The following GLUD1 variants were observed in gnomAD, a reference collection of about 807,000 sequenced individuals.
GLUD1 encodes the protein glutamate dehydrogenase 1.
In GLUD1, 22 loss-of-function variants were observed where a neutral mutation model predicts 56.0. That is an observed-to-expected ratio of 0.39 (90% CI 0.28 to 0.56). GLUD1 has a LOEUF of 0.56. GLUD1 is among the 20% of genes least tolerant of loss of function. The pLI, the probability that GLUD1 is intolerant of heterozygous loss-of-function variation, is 0.58. For missense variants in GLUD1, 451 were observed against 732.0 expected (o/e 0.62, Z 4.43); for synonymous variants, 223 against 269.9 (o/e 0.83, Z 1.70).
Position 87,075,979 on chromosome 10 carries a change from T to C in GLUD1, c.571A>G (p.Lys191Glu). 6.3e-7 allele frequency: 1 copy of C among 1,590,594 alleles called. No homozygotes were observed. Among genetic ancestry groups the C allele is most frequent in the Non-Finnish European group, 8.6e-7 (1 of 1,162,324 alleles). The change falls in exon 3 of 13, where the codon AAG becomes GAG. Residue 191 changes from lysine (K) to glutamate (E), a missense_variant. Lys to Glu is a moderately conservative substitution (Grantham distance 56). Transcript: ENST00000277865. ...ACTTTCATACTTACAGTATAGTTCT[T>C]GGGATTGATCTTAACACCAGCTTTA... The part of the protein sequence containing the change: ...GAKAGVKINP[K>E]NYTDNELEKI...
chr10:87,058,575 G>A (rs1308442122), intron 10 of GLUD1, among the ~76,000 whole-genome samples: 1 of 152,206 alleles, frequency 6.6e-6, no homozygotes, highest in Admixed American at 6.5e-5. Context: ...AGTATCGACA[G>A]TGGAGTTTTA....
At chr10:87,056,871 G>A (rs1302259458) in intron 11 of GLUD1, among the ~76,000 whole-genome samples, 1 of 151,128 alleles carries the variant, frequency 6.6e-6, no homozygotes, top group Non-Finnish European at 1.5e-5. Context: ...CTTTAACAAT[G>A]AGGTTAAATT....
chr10:87,056,469 A>G (rs1845779057), intron 11 of GLUD1, among the ~76,000 whole-genome samples: 1 of 151,614 alleles, frequency 6.6e-6, no homozygotes, highest in South Asian at 2.1e-4. Flanking sequence ...AATTTTTTGT[A>G]TTTTTAGTAG....
intron 4 of GLUD1, among the ~76,000 whole-genome samples, chr10:87,072,937 C>T (rs959470741): frequency 6.6e-6 from 1 of 152,192 alleles, no homozygotes; most frequent in African/African-American, 2.4e-5. Flanking sequence ...TATTAACTTA[C>T]GTTAACAGAC....
At chr10:87,090,510 C>G (rs1841485304) in intron 1 of GLUD1, among the ~76,000 whole-genome samples, 1 of 152,176 alleles carries the variant, frequency 6.6e-6, no homozygotes, top group South Asian at 2.1e-4. Context: ...GTACAGATCA[C>G]TACCATTACC....
chr10:87,057,552 A>G (rs1845814924), intron 11 of GLUD1, 139 bp downstream of exon 11: 1 of 709,538 alleles, frequency 1.4e-6, no homozygotes, highest in South Asian at 1.5e-5. Flanking sequence ...AAGGAAAGGT[A>G]CAAAACACAC....
intron 9 of GLUD1, 124 bp downstream of exon 9, chr10:87,060,037 A>G (rs1228491202): frequency 4.1e-6 from 3 of 725,574 alleles, no homozygotes; most frequent in East Asian, 2.5e-5. Flanking sequence ...TATTTTCTCA[A>G]AAGTGAAAAA....
chr10:87,064,639 T>C (rs1846028173), intron 5 of GLUD1, among the ~76,000 whole-genome samples: 1 of 152,198 alleles, frequency 6.6e-6, no homozygotes, highest in Non-Finnish European at 1.5e-5. Flanking sequence ...AACTTAGAAT[T>C]ATATTATTTG....
chr10:87,056,599 C>T (rs1303866516), intron 11 of GLUD1, among the ~76,000 whole-genome samples: 2 of 152,000 alleles, frequency 1.3e-5, no homozygotes, highest in Admixed American at 6.6e-5. Context: ...CTGGCCTACA[C>T]ATAGTTTCAA....
chr10:87,065,373 C>T (rs12763774), intron 5 of GLUD1, among the ~76,000 whole-genome samples: 1 of 151,384 alleles, frequency 6.6e-6, no homozygotes, highest in South Asian at 2.1e-4. Flanking sequence ...TCCCAAAGTG[C>T]TGGGATTACA....
intron 5 of GLUD1, among the ~76,000 whole-genome samples, chr10:87,066,516 C>G (rs1420449584): frequency 1.3e-5 from 2 of 152,180 alleles, no homozygotes; most frequent in African/African-American, 4.8e-5. Context: ...CCAAGTTCAC[C>G]CAGCTTCTGA....
At chr10:87,079,048 T>C (rs1003645676) in intron 1 of GLUD1, among the ~76,000 whole-genome samples, 1 of 152,198 alleles carries the variant, frequency 6.6e-6, no homozygotes, top group South Asian at 2.1e-4. Context: ...GAAAAAATGA[T>C]AATTATTTGC....
intron 1 of GLUD1, among the ~76,000 whole-genome samples, chr10:87,088,414 T>C (rs1841437422): frequency 6.6e-6 from 1 of 152,084 alleles, no homozygotes; most frequent in Non-Finnish European, 1.5e-5. Context: ...AAACACATAA[T>C]AGAAAAATTG....
chr10:87,053,551 C>G (rs1203835198), intron 11 of GLUD1, 147 bp from the exon 12 acceptor site: 4 of 693,540 alleles, frequency 5.8e-6, no homozygotes, highest in Non-Finnish European at 1.1e-5. Flanking sequence ...TGCACAGTAT[C>G]AAAGATACAG....
chr10:87,091,069 T>C (rs1841499860), intron 1 of GLUD1, among the ~76,000 whole-genome samples: 1 of 152,198 alleles, frequency 6.6e-6, no homozygotes, highest in Admixed American at 6.5e-5. Flanking sequence ...ACTGGATTAA[T>C]ATAGGGTACA....
intron 1 of GLUD1, among the ~76,000 whole-genome samples, chr10:87,089,101 T>C (rs1408146260): frequency 2.0e-5 from 3 of 152,262 alleles, no homozygotes; most frequent in African/African-American, 7.2e-5. Context: ...TGTATTTTTC[T>C]AGGAAGAAGG....
chr10:87,052,118 C>T (rs888836971), intron 12 of GLUD1, among the ~76,000 whole-genome samples: 4 of 151,564 alleles, frequency 2.6e-5, no homozygotes, highest in Non-Finnish European at 5.9e-5. Flanking sequence ...GGGAGGCCGA[C>T]GTAGGCAGAT....
intron 6 of GLUD1, among the ~76,000 whole-genome samples, chr10:87,061,507 CTCAA>C (rs1845929071): frequency 1.3e-5 from 2 of 152,140 alleles, no homozygotes; most frequent in African/African-American, 4.8e-5. Context: ...GAGACTCCAT[CTCAA>C]TCAATCAATA....
chr10:87,093,934 AAAGCCCAAG>A, intron 1 of GLUD1: 3 of 1,356,318 alleles, frequency 2.2e-6, no homozygotes, highest in Non-Finnish European at 2.9e-6. Flanking sequence ...GAGACTCACA[AAAGCCCAAG>A]AACACTGACG....
Sources: allele counts gnomAD v4.1 joint callset (sites outside exome capture counted in the v4.1 genomes callset), GRCh38; gene constraint gnomAD v4.1.1; transcripts MANE v1.5; gene names NCBI Gene and HGNC (gene_info 2026-07-23, HGNC 2026-07-21).